MMEL1: variants seen among roughly 807,000 people sequenced by gnomAD.
MMEL1 encodes membrane metalloendopeptidase like 1, also known as membrane metallo-endopeptidase-like 1.
MMEL1 carries 98 observed loss-of-function variants against 117.1 expected under a neutral mutation model. The ratio of observed to expected loss-of-function variants is 0.84; its 90% CI spans 0.71 to 0.99. The LOEUF (loss-of-function observed/expected upper bound fraction) is 0.99. MMEL1 is among the 50% of genes least tolerant of loss of function. The pLI is 0.00. For missense variants in MMEL1, 1,014 were observed against 1,049.1 expected (o/e 0.97, Z 0.46); for synonymous variants, 390 against 415.1 (o/e 0.94, Z 0.74).
Position 2,604,270 on chromosome 1 carries a change from G to C in MMEL1, c.828C>G (p.Ala276=). Residue 276 remains alanine (A), a synonymous_variant, in exon 10 of 24, where the codon GCC becomes GCG. Transcript: ENST00000378412. ...NGGSNRKVRE[A]YLQFMVSVAT... is the part of the protein sequence containing the mutation. Reference sequence around the variant, plus strand: ...CCACTGACACCATGAACTGCAGGTAGGCTTCCCGCACCTGGGCCAAAGGAC... The same window carrying C: ...CCACTGACACCATGAACTGCAGGTACGCTTCCCGCACCTGGGCCAAAGGAC... 1 of 1,612,806 alleles carries C rather than the reference G, an allele frequency of 6.2e-7. No individual in the cohort carries two copies. The highest frequency in any genetic ancestry group is 8.5e-7 in the Non-Finnish European group (1 of 1,179,954).
rs559667426 is a variant in MMEL1 at position 2,612,157 on chromosome 1, C to T, written c.202G>A (p.Glu68Lys). The change falls in exon 3 of 24, where the codon GAG becomes AAG. Residue 68 changes from glutamate (E) to lysine (K), a missense_variant. By Grantham distance (56) the Glu-to-Lys change is moderately conservative. Transcript: ENST00000378412. The surrounding 1 kb of genome is among the most constrained non-coding windows in gnomAD (Gnocchi z 5.4). ...GGTTTTCGTTTTACAAAGGTCCTCT[C>T]CTCCTGTAAGAAGCACAGCCGGCTA... ...LASRLCFLQE[E>K]RTFVKRKPRG... 24 of 1,582,858 alleles carry T rather than the reference C, an allele frequency of 1.5e-5. No homozygotes were observed. The Admixed American group carries it at 2.2e-4, about 14-fold the overall frequency.
intron 2 of MMEL1, among the ~76,000 whole-genome samples, chr1:2,628,626 C>G (rs1340031949): frequency 7.6e-6 from 1 of 132,276 alleles, no homozygotes; most frequent in Non-Finnish European, 1.6e-5. Context: ...ACCAGGTCTA[C>G]GGGTGCCTGG....
At chr1:2,628,306 C>T (rs916389439) in intron 2 of MMEL1, among the ~76,000 whole-genome samples, 56 of 152,240 alleles carry the variant, frequency 3.7e-4, no homozygotes, top group Non-Finnish European at 1.5e-5. Context: ...GGACGCCCTG[C>T]ACATCCACAG....
chr1:2,628,928 A>T (rs1485258878), intron 2 of MMEL1, among the ~76,000 whole-genome samples: 2 of 138,488 alleles, frequency 1.4e-5, no homozygotes, highest in Admixed American at 1.4e-4. Flanking sequence ...CGGGAGGGAC[A>T]CGGACGCCGG....
chr1:2,624,954 G>C (rs1004643970), intron 2 of MMEL1, among the ~76,000 whole-genome samples: 2 of 152,122 alleles, frequency 1.3e-5, no homozygotes, highest in African/African-American at 4.8e-5. Flanking sequence ...GAAGGGGGAG[G>C]AGCTGCACAC....
chr1:2,625,777 G>A (rs1638245168), intron 2 of MMEL1, among the ~76,000 whole-genome samples: 1 of 152,130 alleles, frequency 6.6e-6, no homozygotes, highest in African/African-American at 2.4e-5. Context: ...AAATGGAAGT[G>A]GTATATACAA....
At chr1:2,614,485 A>G (rs1645173719) in intron 2 of MMEL1, among the ~76,000 whole-genome samples, 1 of 152,242 alleles carries the variant, frequency 6.6e-6, no homozygotes, top group African/African-American at 2.4e-5. Flanking sequence ...GAAGTTACAG[A>G]CAAGGAAAGG....
intron 2 of MMEL1, among the ~76,000 whole-genome samples, chr1:2,627,958 T>A (rs1245423055): frequency 6.6e-6 from 1 of 152,174 alleles, no homozygotes; most frequent in East Asian, 1.9e-4. Context: ...GGCACCTGGC[T>A]GGGCAGGGAG....
chr1:2,601,775 G>A (rs958348514), intron 11 of MMEL1, among the ~76,000 whole-genome samples: 14 of 152,214 alleles, frequency 9.2e-5, no homozygotes, highest in African/African-American at 3.1e-4. Flanking sequence ...AAAGGGAATG[G>A]CATTGGCCAA....
chr1:2,618,874 G>T (rs1028764636), intron 2 of MMEL1, among the ~76,000 whole-genome samples: 22 of 152,224 alleles, frequency 1.4e-4, no homozygotes, highest in African/African-American at 5.3e-4. Context: ...AATTAGGAAT[G>T]ATCTGATCCA....
At chr1:2,593,957 A>C in intron 18 of MMEL1, 24 bp from the exon 19 acceptor site, 1 of 1,577,260 alleles carries the variant, frequency 6.3e-7, no homozygotes, top group Non-Finnish European at 8.6e-7. Context: ...CGGGACAAAG[A>C]ATAAGCTGTG....
Position 2,594,794 on chromosome 1 carries a change from T to G in MMEL1, c.1684A>C (p.Asn562His). 1 of 1,613,284 alleles carries G rather than the reference T, an allele frequency of 6.2e-7. No homozygotes were observed. Among genetic ancestry groups the G allele is most frequent in the Non-Finnish European group, 8.5e-7 (1 of 1,179,536 alleles). ...CGCACCAGCGATGCCACTCACAGATTTGGGTCCACCTTTTCCCGAAGCTTC... is the reference window on the plus strand; with the variant it reads ...CGCACCAGCGATGCCACTCACAGATGTGGGTCCACCTTTTCCCGAAGCTTC... ...LRKLREKVDP[N>H]LWIIGAAVVN... The change falls in exon 17 of 24, where the codon AAT (asparagine) becomes CAT (histidine). Residue 562 changes from asparagine to histidine, a missense_variant. Asn to His is a moderately conservative substitution (Grantham distance 68). Coordinates refer to ENST00000378412, the MANE Select transcript of MMEL1 (RefSeq NM_033467.4).
rs1262210561 is a variant in MMEL1, at chr1:2,610,043, C to T, written c.293-212G>A. Among the ~76,000 whole-genome samples the T allele has an allele frequency of 1.2e-4, 18 of 152,208 alleles. 1 individual carries two copies. In the East Asian group the frequency reaches 3.5e-3, roughly 29 times the overall value. Reference sequence around the variant, plus strand: ...AACCTGGATTCAGTGCTAGGGTTTTCACTTATTTATTTTTAGAGACAGGGT... The same window carrying T: ...AACCTGGATTCAGTGCTAGGGTTTTTACTTATTTATTTTTAGAGACAGGGT... On this transcript the variant is annotated intron_variant, in intron 4 of 23. Transcript: ENST00000378412.
At chr1:2,626,253 T>C (rs1035989805) in intron 2 of MMEL1, among the ~76,000 whole-genome samples, 2 of 152,116 alleles carry the variant, frequency 1.3e-5, no homozygotes, top group South Asian at 2.1e-4. Flanking sequence ...GGAAGAGGTA[T>C]GTGGATTGAG....
intron 11 of MMEL1, among the ~76,000 whole-genome samples, 178 bp downstream of exon 11, chr1:2,603,706 C>T (rs987503936): frequency 5.3e-5 from 8 of 152,188 alleles, no homozygotes; most frequent in South Asian, 2.1e-4. Context: ...CATTAGTAAT[C>T]GTGCTGGTGC....
intron 2 of MMEL1, among the ~76,000 whole-genome samples, chr1:2,624,356 G>A (rs1046493816): frequency 6.6e-6 from 1 of 152,176 alleles, no homozygotes; most frequent in African/African-American, 2.4e-5. Flanking sequence ...GAGGTGCACT[G>A]TGGGTAACAA....
intron 2 of MMEL1, among the ~76,000 whole-genome samples, chr1:2,628,173 C>A (rs1385136309): frequency 6.6e-6 from 1 of 152,234 alleles, no homozygotes; most frequent in Non-Finnish European, 1.5e-5. Context: ...TTCCCTCCCC[C>A]ACTGCCCACC....
At chr1:2,606,111 G>A in intron 8 of MMEL1, 137 bp downstream of exon 8, 1 of 698,334 alleles carries the variant, frequency 1.4e-6, no homozygotes, top group Non-Finnish European at 2.5e-6. Context: ...CCACGGACGT[G>A]GACAGGAGCC....
intron 10 of MMEL1, 27 bp downstream of exon 10, chr1:2,604,120 G>GCGA: frequency 9.0e-6 from 12 of 1,330,064 alleles, no homozygotes; most frequent in Non-Finnish European, 1.3e-5. Flanking sequence ...CTCGCTGCCC[G>GCGA]CTCCCCACCC....
Sources: gnomAD v4.1 joint callset for allele counts (sites outside exome capture counted in the v4.1 genomes callset) on GRCh38, gnomAD v4.1.1 for gene constraint, Gnocchi (gnomAD v3.1) non-coding constraint, MANE v1.5 for transcripts, NCBI Gene and HGNC (gene_info 2026-07-23, HGNC 2026-07-21) for gene names.